The following MAEA variants were observed in gnomAD, a reference collection of about 807,000 sequenced individuals.
MAEA encodes the protein macrophage erythroblast attacher, E3 ubiquitin ligase.
Under a neutral mutation model 46.2 loss-of-function variants are expected in MAEA, and 22 were observed. The observed-to-expected ratio is 0.48, with a 90% CI of 0.34 to 0.68. MAEA has a LOEUF of 0.68. MAEA is among the 30% of genes least tolerant of loss of function. The pLI is 0.01. For synonymous variants in MAEA, 246 were observed against 222.6 expected (o/e 1.11, Z -0.94); for missense variants, 393 against 558.1 (o/e 0.70, Z 2.98).
intron 1 of MAEA, chr4:1,309,770 G>A: frequency 6.8e-7 from 1 of 1,465,578 alleles, no homozygotes; most frequent in South Asian, 1.3e-5. Flanking sequence ...GGCGCGTTCT[G>A]GGCAGGGCCT....
At chr4:1,306,211 C>A (rs1735813930) in intron 1 of MAEA, among the ~76,000 whole-genome samples, 1 of 152,204 alleles carries the variant, frequency 6.6e-6, no homozygotes, top group African/African-American at 2.4e-5. Context: ...CAAATGGACC[C>A]ATAAAATTCA....
At chr4:1,318,154 T>A (rs1334378300) in intron 3 of MAEA, among the ~76,000 whole-genome samples, 1 of 152,126 alleles carries the variant, frequency 6.6e-6, no homozygotes, top group Non-Finnish European at 1.5e-5. Flanking sequence ...TGCCCACATG[T>A]CCTGGCTGCC....
chr4:1,294,462 C>T (rs1048446108), intron 1 of MAEA, among the ~76,000 whole-genome samples: 6 of 152,124 alleles, frequency 3.9e-5, no homozygotes, highest in Admixed American at 3.3e-4. Flanking sequence ...CCTGATTCAC[C>T]GTAATGGCTG....
chr4:1,320,823 G>T (rs747342024), intron 3 of MAEA, among the ~76,000 whole-genome samples: 1 of 151,936 alleles, frequency 6.6e-6, no homozygotes, highest in African/African-American at 2.4e-5. Context: ...GCAAGAGGCC[G>T]GGCACGGTGG....
At chr4:1,313,384 G>T (rs1222889603) in intron 2 of MAEA, among the ~76,000 whole-genome samples, 1 of 152,146 alleles carries the variant, frequency 6.6e-6, no homozygotes, top group East Asian at 1.9e-4. Flanking sequence ...ACAGAGGGCT[G>T]CACGGACTGC....
intron 1 of MAEA, chr4:1,309,682 G>A: frequency 6.5e-7 from 1 of 1,531,746 alleles, no homozygotes; most frequent in Non-Finnish European, 8.7e-7. Context: ...GGGAGGTGGG[G>A]TCTTCCAGTT....
chr4:1,327,556 G>C (rs528907260), intron 4 of MAEA, 71 bp from the exon 5 acceptor site: 2 of 1,022,078 alleles, frequency 2.0e-6, no homozygotes, highest in African/African-American at 3.1e-5. Flanking sequence ...GTGGACATGC[G>C]GGTGCGGCAC....
At chr4:1,328,840 A>G in intron 5 of MAEA, 1 of 1,042,698 alleles carries the variant, frequency 9.6e-7, no homozygotes, top group Non-Finnish European at 1.2e-6. Flanking sequence ...GTCTTCACGC[A>G]CGAGGGAGCC....
rs934516793 is a variant in MAEA, at chr4:1,312,062, G to A, written c.153G>A (p.Val51=). 1 of 1,613,976 alleles carries A rather than the reference G, an allele frequency of 6.2e-7. No homozygotes were observed. Among genetic ancestry groups the A allele is most frequent in the Non-Finnish European group, 8.5e-7 (1 of 1,180,042 alleles). The part of the protein sequence containing the change: ...DRETSHVTMV[V]AELEKTLSGC... Reference sequence around the variant, plus strand: ...AGACCAGCCACGTCACCATGGTGGTGGCCGAGCTGGAGAAGACGTTGAGCG... The same window carrying A: ...AGACCAGCCACGTCACCATGGTGGTAGCCGAGCTGGAGAAGACGTTGAGCG... The change falls in exon 2 of 9, where the codon GTG becomes GTA. Residue 51 remains valine (V), a synonymous_variant. Coordinates refer to ENST00000303400, the MANE Select transcript of MAEA (RefSeq NM_001017405.3).
chr4:1,289,955 G>A lies in MAEA; in HGVS notation c.42G>A (p.Leu14=). The A allele has an allele frequency of 1.2e-6, 2 of 1,600,748 alleles. No individual in the cohort carries two copies. Among genetic ancestry groups the A allele is most frequent in the South Asian group, 1.1e-5 (1 of 89,054 alleles). The stretch of plus-strand genomic sequence containing the variant: ...CGGCGGCTCAGTTGTCCATGACCCT[G>A]AAGGTCCAGGAGTACCCGACCCTCA... The part of the protein sequence containing the change: ...QESAAQLSMT[L]KVQEYPTLKV... The change falls in exon 1 of 9, where the codon CTG becomes CTA. Residue 14 remains leucine, a synonymous_variant. Coordinates refer to ENST00000303400, the MANE Select transcript of MAEA (RefSeq NM_001017405.3).
intron 1 of MAEA, among the ~76,000 whole-genome samples, chr4:1,297,361 C>T (rs1734838479): frequency 6.6e-6 from 1 of 152,292 alleles, no homozygotes; most frequent in South Asian, 2.1e-4. Context: ...GCGTGGGGGC[C>T]TTAGTGGACA....
chr4:1,322,192 G>T (rs1030992405), intron 3 of MAEA, among the ~76,000 whole-genome samples, 189 bp from the exon 4 acceptor site: 4 of 152,204 alleles, frequency 2.6e-5, no homozygotes, highest in Non-Finnish European at 5.9e-5. Flanking sequence ...GTCCTTGGGG[G>T]CTGTTCTGTT....
chr4:1,338,834 G>A (rs1368240793), intron 8 of MAEA: 7 of 651,906 alleles, frequency 1.1e-5, no homozygotes, highest in East Asian at 2.7e-5. Flanking sequence ...GGCACACGTC[G>A]CCATTGGGAC....
intron 1 of MAEA, among the ~76,000 whole-genome samples, chr4:1,295,963 GC>G (rs1423090119): frequency 2.5e-5 from 1 of 40,254 alleles, no homozygotes; most frequent in Non-Finnish European, 4.5e-5. Flanking sequence ...CCGCACCTGT[GC>G]CCCCCTCACC....
chr4:1,300,502 C>T (rs963208742), intron 1 of MAEA, among the ~76,000 whole-genome samples: 3 of 152,246 alleles, frequency 2.0e-5, no homozygotes, highest in Non-Finnish European at 2.9e-5. Context: ...CACTCCTGCC[C>T]GCTTGCAGTC....
At chr4:1,309,717 G>A (rs1345177965) in intron 1 of MAEA, 1 of 1,523,146 alleles carries the variant, frequency 6.6e-7, no homozygotes, top group South Asian at 1.2e-5. Flanking sequence ...GCCCCGGTGA[G>A]CCCCTCCCCG....
At chr4:1,309,709 C>T in intron 1 of MAEA, 1 of 1,525,830 alleles carries the variant, frequency 6.6e-7, no homozygotes, top group Non-Finnish European at 8.8e-7. Context: ...ACACCGTGGC[C>T]CCGGTGAGCC....
At chr4:1,333,576 C>T (rs2109003817) in intron 6 of MAEA, among the ~76,000 whole-genome samples, 1 of 152,230 alleles carries the variant, frequency 6.6e-6, no homozygotes, top group East Asian at 1.9e-4. Flanking sequence ...GGGGGTTCTG[C>T]CATCACTAAC....
At chr4:1,336,313 C>T (rs921491376) in intron 6 of MAEA, among the ~76,000 whole-genome samples, 6 of 151,578 alleles carry the variant, frequency 4.0e-5, no homozygotes, top group African/African-American at 1.5e-4. Flanking sequence ...AGACTTAAGT[C>T]AGAACTGGCC....
Sources: gnomAD v4.1 joint callset for allele counts (sites outside exome capture counted in the v4.1 genomes callset) on GRCh38, gnomAD v4.1.1 for gene constraint, MANE v1.5 for transcripts, NCBI Gene and HGNC (gene_info 2026-07-23, HGNC 2026-07-21) for gene names.